The following KIAA1549L variants were observed in gnomAD, a reference collection of about 807,000 sequenced individuals.
KIAA1549L encodes the protein UPF0606 protein KIAA1549L.
KIAA1549L carries 88 observed loss-of-function variants against 160.7 expected under a neutral mutation model. That is an observed-to-expected ratio of 0.55 (90% CI 0.46 to 0.65). KIAA1549L has a LOEUF of 0.65. Among genes scored for constraint, KIAA1549L ranks in the 30% least tolerant of loss-of-function variants. KIAA1549L has a pLI of 0.00. For synonymous variants in KIAA1549L, 950 were observed against 976.7 expected, an observed-to-expected ratio of 0.97 and a Z score of 0.51; for missense variants, 2,258 against 2,437.5, an observed-to-expected ratio of 0.93 and a Z score of 1.55.
At chr11:33,439,239 A>T (rs913370525) in intron 1 of KIAA1549L, among the ~76,000 whole-genome samples, 13 of 151,774 alleles carry the variant, frequency 8.6e-5, no homozygotes, top group Non-Finnish European at 2.9e-5. Flanking sequence ...TTGTGAAATG[A>T]CCTTCTTTAA....
At chr11:33,445,436 GA>G (rs746641680) in intron 1 of KIAA1549L, among the ~76,000 whole-genome samples, 1 of 152,218 alleles carries the variant, frequency 6.6e-6, no homozygotes, top group Non-Finnish European at 1.5e-5. Flanking sequence ...GACACTGTAT[GA>G]AATAATTTGT....
intron 16 of KIAA1549L, among the ~76,000 whole-genome samples, chr11:33,641,622 A>G (rs1851587806): frequency 3.0e-5 from 2 of 66,668 alleles, no homozygotes; most frequent in African/African-American, 1.3e-4. Context: ...ATATATATAT[A>G]TATATATATA....
chr11:33,661,004 G>T lies in KIAA1549L; in HGVS notation c.6149G>T (p.Trp2050Leu). 6.2e-7 allele frequency: 1 copy of T among 1,609,066 alleles called. No homozygotes were observed. Among genetic ancestry groups the T allele is most frequent in the Non-Finnish European group, 8.5e-7 (1 of 1,177,584 alleles). The change falls in exon 20 of 21, where the codon TGG (tryptophan) becomes TTG (leucine). Residue 2050 changes from tryptophan to leucine, a missense_variant. Physicochemically the swap from Trp to Leu is moderately conservative, Grantham distance 61 (BLOSUM62 -2). Around this residue, in one of 6 missense-constraint regions of KIAA1549L, gnomAD observed 1,359 missense variants for 1,546.6 expected, o/e 0.88. Coordinates refer to ENST00000658780, the MANE Select transcript of KIAA1549L (RefSeq NM_012194.3). ...YAGENELPSQ[W>L]ADSVPLPGYI... is the part of the protein sequence containing the mutation. ...GGAGAGAATGAGCTCCCGAGCCAGT[G>T]GGCAGATTCGGTGAGACCCTTGCTC...
intron 1 of KIAA1549L, among the ~76,000 whole-genome samples, chr11:33,495,932 G>A (rs1852807467): frequency 6.6e-6 from 1 of 152,030 alleles, no homozygotes; most frequent in South Asian, 2.1e-4. Context: ...CTTCTTTTGA[G>A]AAGTGTCTGT....
intron 1 of KIAA1549L, among the ~76,000 whole-genome samples, chr11:33,426,101 C>G (rs985960943): frequency 6.6e-6 from 1 of 152,140 alleles, no homozygotes; most frequent in African/African-American, 2.4e-5. Context: ...ACATTAGAGA[C>G]AAAGTTAGCA....
At chr11:33,516,139 CTTTTTTTTTTT>C (rs927894187) in intron 1 of KIAA1549L, among the ~76,000 whole-genome samples, 3 of 43,300 alleles carry the variant, frequency 6.9e-5, no homozygotes, top group African/African-American at 2.3e-4. Flanking sequence ...GGAGGTGATT[CTTTTTTTTTTT>C]TTTTTTTTTT....
At chr11:33,531,074 C>A (rs768248901) in intron 1 of KIAA1549L, among the ~76,000 whole-genome samples, 2 of 152,114 alleles carry the variant, frequency 1.3e-5, no homozygotes, top group African/African-American at 2.4e-5. Context: ...GAATGGAATT[C>A]TTCTTCTTTT....
At chr11:33,509,140 A>G (rs1853165524) in intron 1 of KIAA1549L, among the ~76,000 whole-genome samples, 1 of 152,000 alleles carries the variant, frequency 6.6e-6, no homozygotes, top group Non-Finnish European at 1.5e-5. Flanking sequence ...TGTATTTCTG[A>G]TGTTTTGTTG....
chr11:33,426,489 C>G (rs1851119069), intron 1 of KIAA1549L, among the ~76,000 whole-genome samples: 1 of 152,008 alleles, frequency 6.6e-6, no homozygotes. Context: ...CTTTGAGATC[C>G]CCAGAGGCCC....
intron 12 of KIAA1549L, among the ~76,000 whole-genome samples, chr11:33,594,093 G>A (rs1850137463): frequency 6.6e-6 from 1 of 152,112 alleles, no homozygotes; most frequent in Non-Finnish European, 1.5e-5. Context: ...GAAGTAATTT[G>A]AGAAGGAAGG....
At chr11:33,589,436 G>C (rs908461854) in intron 11 of KIAA1549L, among the ~76,000 whole-genome samples, 20 of 152,138 alleles carry the variant, frequency 1.3e-4, no homozygotes, top group Non-Finnish European at 1.9e-4. Flanking sequence ...GATTATAAAT[G>C]ATGCTGCTAT....
intron 6 of KIAA1549L, among the ~76,000 whole-genome samples, 182 bp downstream of exon 6, chr11:33,552,423 C>T (rs1329558960): frequency 1.3e-5 from 2 of 152,078 alleles, no homozygotes; most frequent in Non-Finnish European, 2.9e-5. Flanking sequence ...TCACTGTGCA[C>T]CTATTGTGGT....
rs762928333 is a variant in KIAA1549L at position 33,568,161 on chromosome 11, C to A, written c.4164C>A (p.Phe1388Leu). 1.9e-6 allele frequency: 3 copies of A among 1,613,520 alleles called. No homozygotes were observed. The highest frequency in any genetic ancestry group is 2.5e-6 in the Non-Finnish European group (3 of 1,179,726). ...RVMEQRLAQL[F>L]MMSQQQGRRF... ...TGGAGCAGCGCCTGGCCCAGCTATTCATGATGTCCCAGCAACAAGGCCGGC... is the reference window on the plus strand; with the variant it reads ...TGGAGCAGCGCCTGGCCCAGCTATTAATGATGTCCCAGCAACAAGGCCGGC... The change falls in exon 9 of 21, where the codon TTC (phenylalanine) becomes TTA (leucine). Residue 1388 changes from phenylalanine (F) to leucine (L), a missense_variant. By Grantham distance (22) the Phe-to-Leu change is conservative. This residue lies in a region of KIAA1549L where 1,359 missense variants were observed against 1,546.6 expected (regional missense o/e 0.88). Coordinates refer to ENST00000658780, the MANE Select transcript of KIAA1549L (RefSeq NM_012194.3).
intron 6 of KIAA1549L, 60 bp downstream of exon 6, chr11:33,552,301 C>T (rs1854490209): frequency 6.5e-7 from 1 of 1,537,356 alleles, no homozygotes; most frequent in Middle Eastern, 1.8e-4. Flanking sequence ...CAGAGTCTGG[C>T]AAGAAATGAC....
chr11:33,519,363 GA>G (rs1173618598), intron 1 of KIAA1549L, among the ~76,000 whole-genome samples: 1 of 151,954 alleles, frequency 6.6e-6, no homozygotes, highest in Non-Finnish European at 1.5e-5. Context: ...TTTTATTTTT[GA>G]GAAGAGCCAG....
chr11:33,407,056 GGA>G (rs1850672142), intron 1 of KIAA1549L, among the ~76,000 whole-genome samples: 2 of 150,972 alleles, frequency 1.3e-5, no homozygotes, highest in Non-Finnish European at 2.9e-5. Flanking sequence ...AGGTAGATGT[GGA>G]GTTCAGTCCT....
At chr11:33,528,251 G>T (rs1190617401) in intron 1 of KIAA1549L, among the ~76,000 whole-genome samples, 2 of 152,104 alleles carry the variant, frequency 1.3e-5, no homozygotes, top group African/African-American at 4.8e-5. Context: ...AATTATCAGA[G>T]AATGCACATC....
chr11:33,503,289 A>G (rs574507685), intron 1 of KIAA1549L, among the ~76,000 whole-genome samples: 41 of 152,332 alleles, frequency 2.7e-4, no homozygotes, highest in African/African-American at 8.9e-4. Flanking sequence ...CATCCGAATC[A>G]TTGTATACTA....
At chr11:33,550,122 A>G (rs1383442338) in intron 4 of KIAA1549L, among the ~76,000 whole-genome samples, 2 of 152,068 alleles carry the variant, frequency 1.3e-5, no homozygotes, top group African/African-American at 4.8e-5. Context: ...TAGTAGTAAT[A>G]GCTGTACACC....
Sources: allele counts gnomAD v4.1 joint callset (sites outside exome capture counted in the v4.1 genomes callset), GRCh38; gene constraint gnomAD v4.1.1; regional missense constraint gnomAD v4.1.1; transcripts MANE v1.5; gene names NCBI Gene and HGNC (gene_info 2026-07-23, HGNC 2026-07-21).